Variants in ALMS1 observed in about 807,000 individuals in gnomAD.
ALMS1 encodes the protein centrosome-associated protein ALMS1.
In ALMS1, 271 loss-of-function variants were observed where a neutral mutation model predicts 352.2. The observed-to-expected ratio is 0.77, with a 90% CI of 0.70 to 0.85. The LOEUF (loss-of-function observed/expected upper bound fraction) is 0.85, where lower values mean the gene tolerates loss of function less well. Among genes scored for constraint, ALMS1 ranks in the 40% least tolerant of loss-of-function variants. The pLI is 0.00. For synonymous variants in ALMS1, 1,865 were observed against 1,761.2 expected (o/e 1.06, Z -1.48); for missense variants, 5,445 against 4,870.7 (o/e 1.12, Z -3.51).
intron 11 of ALMS1, among the ~76,000 whole-genome samples, chr2:73,531,741 G>C (rs1014234831): frequency 9.2e-5 from 14 of 152,250 alleles, no homozygotes; most frequent in Admixed American, 8.5e-4. Context: ...TTGACTAACA[G>C]TTCCACATGG....
intron 7 of ALMS1, among the ~76,000 whole-genome samples, chr2:73,442,584 A>G (rs1029619325): frequency 1.3e-5 from 2 of 152,206 alleles, no homozygotes; most frequent in Non-Finnish European, 2.9e-5. Context: ...TAATCTTGGC[A>G]TATGATAAAG....
intron 9 of ALMS1, among the ~76,000 whole-genome samples, chr2:73,485,403 G>C: frequency 6.6e-6 from 1 of 152,232 alleles, no homozygotes; most frequent in Non-Finnish European, 1.5e-5. Flanking sequence ...CAGGGGTCAG[G>C]GACCCACTTG....
chr2:73,512,771 T>C (rs1468830612), intron 10 of ALMS1, among the ~76,000 whole-genome samples: 1 of 152,198 alleles, frequency 6.6e-6, no homozygotes, highest in East Asian at 1.9e-4. Context: ...GTCCCCGTCA[T>C]CTTTTGATCA....
rs1048717831 is a variant in ALMS1 at position 73,484,233 on chromosome 2, A to C, written c.7675-5401A>C. On this transcript the variant is annotated intron_variant, in intron 9 of 22. Coordinates refer to ENST00000613296, the MANE Select transcript of ALMS1 (RefSeq NM_001378454.1). ...GTACTGGTTGTTCCTTTCCATGTTTAGTGCTTCCTTCAGGAGCTCTTTTAG... is the reference window on the plus strand; with the variant it reads ...GTACTGGTTGTTCCTTTCCATGTTTCGTGCTTCCTTCAGGAGCTCTTTTAG... Among the ~76,000 whole-genome samples, 86 of 151,754 alleles carry C rather than the reference A, an allele frequency of 5.7e-4. No homozygotes were observed. In the South Asian group the frequency reaches 8.3e-3, roughly 15 times the overall value.
intron 6 of ALMS1, among the ~76,000 whole-genome samples, chr2:73,430,402 AT>A (rs542131960): frequency 4.9e-4 from 74 of 152,256 alleles, no homozygotes; most frequent in Middle Eastern, 3.4e-3. Flanking sequence ...ATAGTTCTAT[AT>A]TTTGAAACTT....
chr2:73,587,102 C>T (rs1675330021), intron 16 of ALMS1, among the ~76,000 whole-genome samples: 1 of 152,100 alleles, frequency 6.6e-6, no homozygotes, highest in South Asian at 2.1e-4. Context: ...CATAGCAGTG[C>T]TACTGATTTG....
At chr2:73,605,075 C>T (rs1675784783) in intron 21 of ALMS1, among the ~76,000 whole-genome samples, 1 of 152,200 alleles carries the variant, frequency 6.6e-6, no homozygotes, top group Non-Finnish European at 1.5e-5. Context: ...TTTCATGGAA[C>T]ATGACTTTTA....
At chr2:73,430,384 C>T (rs575396881) in intron 6 of ALMS1, among the ~76,000 whole-genome samples, 53 of 152,266 alleles carry the variant, frequency 3.5e-4, no homozygotes, top group African/African-American at 1.2e-3. Context: ...CCGGTATTAC[C>T]TACTTTAATA....
At chr2:73,545,478 G>T (rs1229811830) in intron 12 of ALMS1, among the ~76,000 whole-genome samples, 1 of 152,130 alleles carries the variant, frequency 6.6e-6, no homozygotes, top group Non-Finnish European at 1.5e-5. Context: ...ACCGCACGTG[G>T]TCATGGTTAC....
At chr2:73,534,763 A>G (rs1673990513) in intron 11 of ALMS1, 61 bp from the exon 12 acceptor site, 3 of 1,567,184 alleles carry the variant, frequency 1.9e-6, no homozygotes, top group South Asian at 1.1e-5. Context: ...GGCATTCCAT[A>G]TTTGTTCAAT....
At position 73,491,356 on chromosome 2, in the gene ALMS1, C is replaced by G. The variant is rs45493191; in HGVS notation, c.9397C>G (p.Pro3133Ala). 1.5e-5 allele frequency: 25 copies of G among 1,614,056 alleles called. No homozygotes were observed. The highest frequency in any genetic ancestry group is 2.0e-5 in the Non-Finnish European group (24 of 1,180,022). ...TTTCCAAGTCGTACAGCCTTCTCTT[C>G]CAGACAGTAACACTATTACTCAGGA... is the stretch of plus-strand genomic sequence containing the variant. ...LDFQVVQPSL[P>A]DSNTITQDLK... is the part of the protein sequence containing the mutation. The change falls in exon 10 of 23, where the codon CCA becomes GCA. Residue 3133 changes from proline (P) to alanine (A), a missense_variant. Physicochemically the swap from Pro to Ala is conservative, Grantham distance 27. Coordinates refer to ENST00000613296, the MANE Select transcript of ALMS1 (RefSeq NM_001378454.1).
At chr2:73,487,429 A>G (rs10183818) in intron 9 of ALMS1, among the ~76,000 whole-genome samples, 39,600 of 152,030 alleles carry the variant, frequency 0.26, 5,707 homozygotes, top group African/African-American at 0.38. Flanking sequence ...GGGCACCCAC[A>G]TCTGGGTGAG....
In ALMS1 at chr2:73,572,807, C is replaced by CT; in HGVS notation, c.10931dup (p.Gln3645ProfsTer8). ...TCTTCAGAATCCAATCACACATTCT[C>CT]TCCAGGTCTCAGAAAGTACACATGA... On this transcript the variant is annotated frameshift_variant, in exon 16 of 23. Coordinates refer to ENST00000613296, the MANE Select transcript of ALMS1 (RefSeq NM_001378454.1). LOFTEE classifies it high-confidence loss of function. 6.2e-7 allele frequency: 1 copy of CT among 1,614,040 alleles called. No homozygotes were observed. Among genetic ancestry groups the CT allele is most frequent in the Non-Finnish European group, 8.5e-7 (1 of 1,179,990 alleles).
At chr2:73,413,065 C>G (rs560823126) in intron 2 of ALMS1, among the ~76,000 whole-genome samples, 1 of 151,108 alleles carries the variant, frequency 6.6e-6, no homozygotes, top group Admixed American at 6.6e-5. Context: ...ACATTCATTT[C>G]TCTAATGACT....
At chr2:73,553,595 G>T (rs974770697) in intron 13 of ALMS1, among the ~76,000 whole-genome samples, 1 of 152,074 alleles carries the variant, frequency 6.6e-6, no homozygotes, top group Admixed American at 6.5e-5. Context: ...GTTTGTAATA[G>T]AAAATAAATG....
At chr2:73,403,968 C>G (rs1294099678) in intron 1 of ALMS1, among the ~76,000 whole-genome samples, 1 of 152,168 alleles carries the variant, frequency 6.6e-6, no homozygotes, top group African/African-American at 2.4e-5. Flanking sequence ...GGCTCGATCC[C>G]TGCTCACTGC....
Position 73,451,763 on chromosome 2 carries a change from G to T in ALMS1, c.5236G>T (p.Asp1746Tyr). ...AGTTTCAGCTGTTCCTCAACCAGCT[G>T]ACCAGAAGACTGGGTTATCTACTGT... ...LKVSAVPQPA[D>Y]QKTGLSTVTS... is the part of the protein sequence containing the mutation. Residue 1746 changes from aspartate (D) to tyrosine (Y), a missense_variant, in exon 8 of 23, where the codon GAC (aspartate) becomes TAC (tyrosine). Transcript: ENST00000613296. 6.2e-7 allele frequency: 1 copy of T among 1,614,064 alleles called. No homozygotes were observed. The highest frequency in any genetic ancestry group is 1.1e-5 in the South Asian group (1 of 91,070).
intron 2 of ALMS1, among the ~76,000 whole-genome samples, chr2:73,409,653 C>T (rs1260542493): frequency 3.9e-5 from 6 of 152,080 alleles, no homozygotes; most frequent in African/African-American, 1.4e-4. Flanking sequence ...CTTACTAGAA[C>T]TCAGTTGGTA....
intron 1 of ALMS1, among the ~76,000 whole-genome samples, chr2:73,386,875 C>T (rs1242757030): frequency 6.6e-6 from 1 of 152,158 alleles, no homozygotes; most frequent in Non-Finnish European, 1.5e-5. Context: ...GCTGCCCTTA[C>T]CCCCCTTTTT....
Sources: allele counts gnomAD v4.1 joint callset (sites outside exome capture counted in the v4.1 genomes callset), GRCh38; gene constraint gnomAD v4.1.1; transcripts MANE v1.5; gene names NCBI Gene and HGNC (gene_info 2026-07-23, HGNC 2026-07-21).